The following PLEKHM3 variants were observed in gnomAD, a reference collection of about 807,000 sequenced individuals.
PLEKHM3 encodes pleckstrin homology domain-containing family M member 3.
PLEKHM3 carries 45 observed loss-of-function variants against 81.8 expected under a neutral mutation model. That is an observed-to-expected ratio of 0.55 (90% CI 0.43 to 0.71). The LOEUF (loss-of-function observed/expected upper bound fraction) is 0.71. PLEKHM3 is among the 30% of genes least tolerant of loss of function. PLEKHM3 has a pLI of 0.00. For missense variants in PLEKHM3, 788 were observed against 924.3 expected (o/e 0.85, Z 1.91); for synonymous variants, 352 against 356.4 (o/e 0.99, Z 0.14).
chr2:207,965,076 T>A (rs1342116866), intron 3 of PLEKHM3, among the ~76,000 whole-genome samples: 1 of 152,206 alleles, frequency 6.6e-6, no homozygotes, highest in Non-Finnish European at 1.5e-5. Flanking sequence ...TTAGAAACTC[T>A]CAAGTAGCTT....
chr2:208,004,863 C>A (rs73066710), intron 1 of PLEKHM3, among the ~76,000 whole-genome samples: 8,300 of 152,100 alleles, frequency 0.055, 722 homozygotes, highest in African/African-American at 0.19. Context: ...TTTGCTCTTT[C>A]GCCCAGGCTA....
chr2:207,986,436 T>C (rs1691722341), intron 2 of PLEKHM3, among the ~76,000 whole-genome samples: 1 of 152,136 alleles, frequency 6.6e-6, no homozygotes, highest in Non-Finnish European at 1.5e-5. Context: ...CAGGCTATAG[T>C]AAGCTGAAAG....
intron 2 of PLEKHM3, among the ~76,000 whole-genome samples, chr2:207,991,983 T>A (rs1355820008): frequency 6.6e-6 from 1 of 152,236 alleles, no homozygotes; most frequent in African/African-American, 2.4e-5. Context: ...AGTATTTTGT[T>A]ACTTGCTTCT....
chr2:207,982,943 A>G (rs1446499782), intron 2 of PLEKHM3, among the ~76,000 whole-genome samples: 2 of 152,144 alleles, frequency 1.3e-5, no homozygotes, highest in Non-Finnish European at 2.9e-5. Context: ...TATATAATAC[A>G]TATAACATAC....
chr2:207,924,335 T>C (rs139384022), intron 5 of PLEKHM3, among the ~76,000 whole-genome samples: 5 of 152,250 alleles, frequency 3.3e-5, no homozygotes, highest in East Asian at 1.9e-4. Context: ...TGTCACCTTA[T>C]AGTCAGTGTC....
At chr2:207,865,795 A>ATATATATATATATATATAT (rs2092493448) in intron 6 of PLEKHM3, among the ~76,000 whole-genome samples, 1 of 37,688 alleles carries the variant, frequency 2.7e-5, no homozygotes, top group African/African-American at 1.5e-4. Flanking sequence ...AAAAAAAAAA[A>ATATATATATATATATATAT]AAAAAAAGAT....
At chr2:207,960,790 C>G (rs573736483) in intron 3 of PLEKHM3, among the ~76,000 whole-genome samples, 1 of 152,308 alleles carries the variant, frequency 6.6e-6, no homozygotes, top group African/African-American at 2.4e-5. Flanking sequence ...CAAGTTAAAA[C>G]TCCCTAGCCT....
intron 5 of PLEKHM3, among the ~76,000 whole-genome samples, chr2:207,922,811 CA>C (rs111562902): frequency 0.051 from 6,085 of 118,684 alleles, 355 homozygotes; most frequent in African/African-American, 0.16. Context: ...GACTCCGTCT[CA>C]AAAAAAAAAA....
At chr2:207,872,627 C>A (rs1312603378) in intron 6 of PLEKHM3, among the ~76,000 whole-genome samples, 2 of 152,178 alleles carry the variant, frequency 1.3e-5, no homozygotes, top group African/African-American at 2.4e-5. Flanking sequence ...CACCTGAGGT[C>A]AGGAGTTTGA....
chr2:207,995,228 A>T (rs1432493987), intron 2 of PLEKHM3, among the ~76,000 whole-genome samples: 1 of 152,230 alleles, frequency 6.6e-6, no homozygotes. Context: ...AATAAGTTAA[A>T]TGCAGGAAAC....
intron 3 of PLEKHM3, among the ~76,000 whole-genome samples, chr2:207,973,585 C>A (rs1268618890): frequency 1.3e-5 from 2 of 152,000 alleles, no homozygotes; most frequent in African/African-American, 4.8e-5. Flanking sequence ...ACTAAAAGTA[C>A]AAAATTAGCC....
intron 5 of PLEKHM3, among the ~76,000 whole-genome samples, chr2:207,910,223 A>G (rs1157067161): frequency 6.6e-6 from 1 of 152,194 alleles, no homozygotes; most frequent in African/African-American, 2.4e-5. Flanking sequence ...ACAGCTGGGC[A>G]GGGCATAGGA....
intron 3 of PLEKHM3, among the ~76,000 whole-genome samples, chr2:207,948,315 G>C (rs973057535): frequency 7.0e-6 from 1 of 143,570 alleles, no homozygotes; most frequent in African/African-American, 2.6e-5. Flanking sequence ...TTATGGGCTT[G>C]TCCAACCAGG....
chr2:207,881,156 C>T (rs1228167384), intron 6 of PLEKHM3, among the ~76,000 whole-genome samples: 1 of 151,634 alleles, frequency 6.6e-6, no homozygotes, highest in Non-Finnish European at 1.5e-5. Flanking sequence ...ACCTAAATAC[C>T]CAATACAAAC....
chr2:207,921,372 T>A lies in PLEKHM3; in HGVS notation c.1886+9554A>T, dbSNP rs541207250. 2.6e-5 allele frequency among the ~76,000 whole-genome samples: 4 copies of A among 152,258 alleles called. No individual in the cohort carries two copies. The East Asian group carries it at 7.7e-4, about 29-fold the overall frequency. On this transcript the variant is annotated intron_variant, in intron 5 of 7. Transcript: ENST00000427836. The stretch of plus-strand genomic sequence containing the variant: ...TCTCTTCTTTTAAAAAAATTATTAT[T>A]AAATATTTTTAATGGACATATAATG...
intron 1 of PLEKHM3, among the ~76,000 whole-genome samples, chr2:208,017,792 G>A (rs1030679327): frequency 6.6e-6 from 1 of 152,076 alleles, no homozygotes; most frequent in African/African-American, 2.4e-5. Flanking sequence ...AAACCCTAAA[G>A]ACTTTTCACT....
At chr2:207,846,948 TAAATATCAATTAGTTTTATAGTTAG>T (rs1224433972) in intron 7 of PLEKHM3, among the ~76,000 whole-genome samples, 1 of 152,194 alleles carries the variant, frequency 6.6e-6, no homozygotes, top group Non-Finnish European at 1.5e-5. Flanking sequence ...TTTTCTATAA[TAAATATCAATTAGTTTTATAGTTAG>T]AAAGTTAAAA....
At chr2:207,903,320 T>C (rs1374199139) in intron 6 of PLEKHM3, among the ~76,000 whole-genome samples, 7 of 152,062 alleles carry the variant, frequency 4.6e-5, no homozygotes, top group Non-Finnish European at 1.0e-4. Context: ...CCTTAGATTG[T>C]CTCACAAGAG....
intron 6 of PLEKHM3, among the ~76,000 whole-genome samples, chr2:207,887,899 C>A (rs1053997833): frequency 2.6e-5 from 4 of 152,176 alleles, no homozygotes; most frequent in African/African-American, 9.7e-5. Flanking sequence ...AATTGAACTA[C>A]AAGATAAGGT....
Sources: allele counts gnomAD v4.1 joint callset (sites outside exome capture counted in the v4.1 genomes callset), GRCh38; gene constraint gnomAD v4.1.1; transcripts MANE v1.5; gene names NCBI Gene and HGNC (gene_info 2026-07-23, HGNC 2026-07-21).